The following ACAD9 variants were observed in gnomAD, a reference collection of about 807,000 sequenced individuals.
ACAD9 encodes the protein complex I assembly factor ACAD9, mitochondrial.
Under a neutral mutation model 70.2 loss-of-function variants are expected in ACAD9, and 53 were observed. The ratio of observed to expected loss-of-function variants is 0.75; its 90% CI spans 0.61 to 0.95. ACAD9 has a LOEUF of 0.95. ACAD9 is among the 40% of genes least tolerant of loss of function. The pLI, the probability that ACAD9 is intolerant of heterozygous loss-of-function variation, is 0.00. For synonymous variants in ACAD9, 313 were observed against 312.1 expected (o/e 1.00, Z -0.03); for missense variants, 777 against 802.8 (o/e 0.97, Z 0.39).
Position 128,879,752 on chromosome 3 carries a change from GT to G in ACAD9, c.62del (p.Val21GlyfsTer25). ...TGCGGCTCGTGCCTGCCGGGGTCTG[GT>G]GGTCTCTACCGCGAACCGGCGGCTA... is the stretch of plus-strand genomic sequence containing the variant. ...TAAARACRGL[V>X]VSTANRRLLR... On this transcript the variant is annotated frameshift_variant, in exon 1 of 18. Transcript: ENST00000308982. LOFTEE classifies it high-confidence loss of function. 6.2e-7 allele frequency: 1 copy of G among 1,613,450 alleles called. No individual in the cohort carries two copies. The highest frequency in any genetic ancestry group is 8.5e-7 in the Non-Finnish European group (1 of 1,180,004).
Position 128,884,654 on chromosome 3 carries a change from A to T in ACAD9, c.152A>T (p.Lys51Ile), listed in dbSNP as rs149931573. The T allele has an allele frequency of 1.9e-4, 302 of 1,605,640 alleles. No individual in the cohort carries two copies. Among genetic ancestry groups the T allele is most frequent in the Admixed American group, 9.8e-4 (59 of 59,976 alleles). Residue 51 changes from lysine to isoleucine, a missense_variant and splice_region_variant, in exon 2 of 18, where the codon AAA (lysine) becomes ATA (isoleucine). Physicochemically the swap from Lys to Ile is moderately radical, Grantham distance 102. Transcript: ENST00000308982. ...KELFLGKIKK[K>I]EVFPFPEVSQ... ...TTAGAAAATATTTACTATTTTTAGAAAGAAGTTTTCCCATTTCCAGAAGTT... is the reference window on the plus strand; with the variant it reads ...TTAGAAAATATTTACTATTTTTAGATAGAAGTTTTCCCATTTCCAGAAGTT...
chr3:128,910,888 C>T (rs1285016448), intron 17 of ACAD9, 75 bp downstream of exon 17: 1 of 1,532,984 alleles, frequency 6.5e-7, no homozygotes, highest in Non-Finnish European at 9.0e-7. Context: ...TGTTTCTGGA[C>T]CCTGTCAAGC....
At chr3:128,897,584 T>A in intron 5 of ACAD9, 48 bp from the exon 6 acceptor site, 9 of 1,565,872 alleles carry the variant, frequency 5.7e-6, no homozygotes, top group Non-Finnish European at 7.9e-6. Flanking sequence ...AAAGCATTCA[T>A]ATTTATTCCC....
Position 128,896,543 on chromosome 3 carries a change from C to G in ACAD9, c.554+7C>G, listed in dbSNP as rs1449981549. ...GCCTCACGGAGCCAGCCAGGTCTGT[C>G]TCTGCACAAAACGTTATCCCTCAGC... On this transcript the variant is annotated splice_region_variant and intron_variant, in intron 5 of 17. Coordinates refer to ENST00000308982, the MANE Select transcript of ACAD9 (RefSeq NM_014049.5). 5 of 1,613,774 alleles carry G rather than the reference C, an allele frequency of 3.1e-6. No homozygotes were observed. The highest frequency in any genetic ancestry group is 3.3e-5 in the Admixed American group (2 of 59,988).
intron 12 of ACAD9, among the ~76,000 whole-genome samples, chr3:128,907,339 A>C (rs1398914394): frequency 6.6e-6 from 1 of 152,140 alleles, no homozygotes; most frequent in East Asian, 1.9e-4. Flanking sequence ...GAGTGGTCTC[A>C]GCCCTGCAAA....
At chr3:128,888,054 T>C (rs1405188529) in intron 2 of ACAD9, among the ~76,000 whole-genome samples, 1 of 152,156 alleles carries the variant, frequency 6.6e-6, no homozygotes, top group East Asian at 1.9e-4. Flanking sequence ...AGCACAAATA[T>C]TGCTGGAAAT....
intron 17 of ACAD9, among the ~76,000 whole-genome samples, chr3:128,911,736 C>G (rs78239486): frequency 0.014 from 2,060 of 152,340 alleles, 46 homozygotes; most frequent in African/African-American, 0.047. Flanking sequence ...GCCACTGTGC[C>G]CAGCCCTGGC....
At chr3:128,886,159 G>A (rs982231161) in intron 2 of ACAD9, among the ~76,000 whole-genome samples, 39 of 151,410 alleles carry the variant, frequency 2.6e-4, no homozygotes, top group African/African-American at 8.0e-4. Flanking sequence ...CTGGAGTGCA[G>A]TGGTGCAATC....
In ACAD9 at chr3:128,908,462, G is replaced by A. The variant is rs62265266; in HGVS notation, c.1358+198G>A. The A allele has an allele frequency of 0.033, 21,399 of 652,382 alleles. 930 individuals carry two copies. Among genetic ancestry groups the A allele is most frequent in the African/African-American group, 0.12 (6,583 of 55,856 alleles). 40.4% of individuals were successfully genotyped at this position (652,382 alleles called of 1,614,324 possible). ...AAGCCCTCGCTGCCCTGCCCTTATG[G>A]CCACAGCACCCTACAGCTTCAGCAT... is the stretch of plus-strand genomic sequence containing the variant. On this transcript the variant is annotated intron_variant, in intron 13 of 17. Coordinates refer to ENST00000308982, the MANE Select transcript of ACAD9 (RefSeq NM_014049.5).
intron 1 of ACAD9, among the ~76,000 whole-genome samples, chr3:128,884,335 C>A (rs1935182887): frequency 6.6e-6 from 1 of 152,162 alleles, no homozygotes; most frequent in South Asian, 2.1e-4. Flanking sequence ...GGACCAGACC[C>A]CCAGGCTTCT....
At chr3:128,886,656 C>T (rs546053413) in intron 2 of ACAD9, among the ~76,000 whole-genome samples, 7 of 121,844 alleles carry the variant, frequency 5.7e-5, no homozygotes, top group African/African-American at 2.4e-4. Flanking sequence ...TGCGGTGAGC[C>T]GAGATCGCGC....
At chr3:128,906,362 T>C in intron 12 of ACAD9, 113 bp downstream of exon 12, 1 of 1,491,738 alleles carries the variant, frequency 6.7e-7, no homozygotes, top group Non-Finnish European at 9.1e-7. Flanking sequence ...GGTCGCATGC[T>C]CTCAGGGGCT....
rs200304794 is a variant in ACAD9, at chr3:128,910,831, G to C, written c.1765+18G>C. On this transcript the variant is annotated intron_variant, in intron 17 of 17. Transcript: ENST00000308982. ...GGACAAGTGTGAGTGGCATGTCTTG[G>C]GGGAGGGAAGGAAGGGCCCACTTCT... 34 of 1,613,908 alleles carry C rather than the reference G, an allele frequency of 2.1e-5. No homozygotes were observed. The African/African-American group carries it at 4.0e-4, about 19-fold the overall frequency.
chr3:128,884,818 T>C, intron 2 of ACAD9, 72 bp downstream of exon 2: 1 of 1,177,224 alleles, frequency 8.5e-7, no homozygotes, highest in East Asian at 2.3e-5. Context: ...ATATTAGAAG[T>C]GACATACATA....
At chr3:128,883,330 A>C (rs1935147558) in intron 1 of ACAD9, among the ~76,000 whole-genome samples, 1 of 151,804 alleles carries the variant, frequency 6.6e-6, no homozygotes, top group South Asian at 2.1e-4. Flanking sequence ...GGCAGTAGCC[A>C]CTGCAACCAG....
rs148231087 is a variant in ACAD9 at position 128,884,114 on chromosome 3, A to C, written c.151-539A>C. ...GGATCGATGAGACTTGGTAAGCATG[A>C]TGTGCTCTTGTCAGCATAGCATCTT... On this transcript the variant is annotated intron_variant, in intron 1 of 17. Coordinates refer to ENST00000308982, the MANE Select transcript of ACAD9 (RefSeq NM_014049.5). 1.2e-3 allele frequency among the ~76,000 whole-genome samples: 179 copies of C among 152,324 alleles called. 3 individuals carry two copies. The highest frequency in any genetic ancestry group is 6.8e-3 in the Middle Eastern group (2 of 294).
intron 16 of ACAD9, chr3:128,910,433 G>T (rs1559833675): frequency 1.7e-5 from 21 of 1,241,896 alleles, no homozygotes; most frequent in Non-Finnish European, 2.2e-5. Context: ...CTGGAGGGAG[G>T]CGGGTGCAGT....
chr3:128,893,065 G>T (rs1342328719), intron 2 of ACAD9, among the ~76,000 whole-genome samples: 2 of 152,072 alleles, frequency 1.3e-5, no homozygotes, highest in Non-Finnish European at 2.9e-5. Context: ...TTTTATTCTG[G>T]CCGGGCGTGG....
In ACAD9 at chr3:128,902,519, C is replaced by T. The variant is rs749175161; in HGVS notation, c.883-34C>T. 2.5e-6 allele frequency: 4 copies of T among 1,613,386 alleles called. No homozygotes were observed. Among genetic ancestry groups the T allele is most frequent in the South Asian group, 1.1e-5 (1 of 91,078 alleles). ...TGCGGCCTCCTCCCTCTGCCTCCTT[C>T]AGGGCCCCTGGGCTCTCCCTGTTCT... On this transcript the variant is annotated intron_variant, in intron 8 of 17. Coordinates refer to ENST00000308982, the MANE Select transcript of ACAD9 (RefSeq NM_014049.5). This position sits in a 1 kb window ranked among gnomAD's most constrained non-coding sequence, Gnocchi z 4.0.
Sources: allele counts gnomAD v4.1 joint callset (sites outside exome capture counted in the v4.1 genomes callset), GRCh38; gene constraint gnomAD v4.1.1; non-coding constraint Gnocchi (gnomAD v3.1); transcripts MANE v1.5; gene names NCBI Gene and HGNC (gene_info 2026-07-23, HGNC 2026-07-21).